The following NRF1 variants were observed in gnomAD, a reference collection of about 807,000 sequenced individuals.
NRF1 encodes nuclear respiratory factor 1, also known as alpha palindromic-binding protein.
Under a neutral mutation model 58.5 loss-of-function variants are expected in NRF1, and 5 were observed. That is an observed-to-expected ratio of 0.09 (90% CI 0.04 to 0.18). The LOEUF is 0.18. NRF1 is among the 10% of genes least tolerant of loss of function. The pLI, the probability that NRF1 is intolerant of heterozygous loss-of-function variation, is 1.00. For synonymous variants in NRF1, 224 were observed against 246.7 expected (o/e 0.91, Z 0.86); for missense variants, 288 against 657.7 (o/e 0.44, Z 6.15).
At chr7:129,690,590 C>G (rs750103330) in intron 5 of NRF1, 44 bp downstream of exon 5, 2 of 1,607,520 alleles carry the variant, frequency 1.2e-6, no homozygotes, top group Non-Finnish European at 1.7e-6. Context: ...ACAAGTGGCA[C>G]AGGTGTGGGC....
At chr7:129,750,084 A>C (rs1344612005) in intron 10 of NRF1, among the ~76,000 whole-genome samples, 1 of 152,082 alleles carries the variant, frequency 6.6e-6, no homozygotes, top group Non-Finnish European at 1.5e-5. Flanking sequence ...AGGGCTCAGA[A>C]AGGGGCTGTA....
At chr7:129,673,138 A>G (rs565194247) in intron 3 of NRF1, among the ~76,000 whole-genome samples, 33 of 152,330 alleles carry the variant, frequency 2.2e-4, no homozygotes, top group African/African-American at 6.5e-4. Flanking sequence ...AAAGATGCCA[A>G]CTGACTATTA....
intron 5 of NRF1, among the ~76,000 whole-genome samples, chr7:129,694,677 CT>C (rs1378238078): frequency 6.6e-6 from 1 of 152,050 alleles, no homozygotes; most frequent in Non-Finnish European, 1.5e-5. Context: ...CAATAGCTCT[CT>C]TTTATAATTG....
intron 10 of NRF1, among the ~76,000 whole-genome samples, chr7:129,728,591 C>T (rs1172086604): frequency 2.0e-5 from 3 of 151,742 alleles, no homozygotes; most frequent in African/African-American, 7.3e-5. Flanking sequence ...GTACCTGGCA[C>T]TTTGTTTATG....
chr7:129,649,611 T>C (rs1488841794), intron 1 of NRF1, among the ~76,000 whole-genome samples: 1 of 152,210 alleles, frequency 6.6e-6, no homozygotes. Flanking sequence ...CAGGGTGCTC[T>C]GGGCCAAGAC....
At chr7:129,619,476 GTGTGTGTGTGTGTGTATATATATATATA>G (rs1270835923) in intron 1 of NRF1, among the ~76,000 whole-genome samples, 16 of 28,864 alleles carry the variant, frequency 5.5e-4, no homozygotes, top group East Asian at 2.5e-3. Flanking sequence ...GTGTGTGTGT[GTGTGTGTGTGTGTGTATATATATATATA>G]TATATATATG....
intron 9 of NRF1, among the ~76,000 whole-genome samples, chr7:129,721,585 C>A (rs1243201447): frequency 2.0e-5 from 3 of 151,744 alleles, no homozygotes; most frequent in South Asian, 2.1e-4. Flanking sequence ...GGGTTCACAC[C>A]ATTCTCCTGC....
intron 8 of NRF1, among the ~76,000 whole-genome samples, chr7:129,713,199 C>T (rs1313940025): frequency 1.3e-5 from 2 of 150,454 alleles, no homozygotes; most frequent in East Asian, 2.0e-4. Context: ...CAGGTTCAAG[C>T]GATTCTTCTG....
chr7:129,744,348 C>T, intron 10 of NRF1: 1 of 728,744 alleles, frequency 1.4e-6, no homozygotes, highest in Non-Finnish European at 2.3e-6. Context: ...CAGTCCCCCT[C>T]ACTCGGTCAC....
At position 129,671,445 on chromosome 7, in the gene NRF1, CGCT is replaced by C. The variant is rs776830653; in HGVS notation, c.251_253del (p.Ala84del). ...TTATTTCAGGTCCTGTGGGAATGGC[CGCT>C]GCTGCTGCTGTGGCAACAGGAAAGA... On this transcript the variant is annotated inframe_deletion, in exon 3 of 11. Transcript: ENST00000393232. 5 of 1,612,260 alleles carry C rather than the reference CGCT, an allele frequency of 3.1e-6. No individual in the cohort carries two copies. Among genetic ancestry groups the C allele is most frequent in the Admixed American group, 1.7e-5 (1 of 59,992 alleles).
chr7:129,734,897 C>G (rs1803670217), intron 10 of NRF1: 1 of 197,970 alleles, frequency 5.1e-6, no homozygotes, highest in South Asian at 1.7e-4. Flanking sequence ...TGCTGCCCTT[C>G]AGTTTAGGCC....
At chr7:129,736,212 A>G (rs1803706386) in intron 10 of NRF1, among the ~76,000 whole-genome samples, 1 of 151,802 alleles carries the variant, frequency 6.6e-6, no homozygotes, top group Admixed American at 6.6e-5. Flanking sequence ...TGACCTTATT[A>G]AAAACTTTTT....
chr7:129,681,620 T>G (rs1802311532), intron 4 of NRF1, among the ~76,000 whole-genome samples: 1 of 152,144 alleles, frequency 6.6e-6, no homozygotes, highest in Admixed American at 6.5e-5. Context: ...GTTGCCCACC[T>G]TAGAGTGTAG....
chr7:129,725,750 TATC>T (rs1803438912), intron 9 of NRF1, among the ~76,000 whole-genome samples: 1 of 152,224 alleles, frequency 6.6e-6, no homozygotes, highest in Non-Finnish European at 1.5e-5. Context: ...CTGCTTTTAT[TATC>T]AGAAAAAGAT....
intron 4 of NRF1, among the ~76,000 whole-genome samples, chr7:129,684,612 C>T (rs950421336): frequency 2.0e-5 from 3 of 152,080 alleles, no homozygotes; most frequent in Non-Finnish European, 4.4e-5. Flanking sequence ...ATCTTATACC[C>T]TAGTCTTATT....
chr7:129,642,349 T>C (rs1801310336), intron 1 of NRF1, among the ~76,000 whole-genome samples: 1 of 152,220 alleles, frequency 6.6e-6, no homozygotes, highest in Non-Finnish European at 1.5e-5. Flanking sequence ...ATACTAGTTA[T>C]CATTAACAGT....
intron 1 of NRF1, among the ~76,000 whole-genome samples, chr7:129,619,490 GTATATATATATA>G (rs67190499): frequency 1.2e-3 from 56 of 48,614 alleles, no homozygotes; most frequent in Admixed American, 6.3e-3. Flanking sequence ...GTGTGTGTGT[GTATATATATATA>G]TATATATATA....
At chr7:129,743,695 TCTTA>T (rs1231612936) in intron 10 of NRF1, among the ~76,000 whole-genome samples, 3 of 152,222 alleles carry the variant, frequency 2.0e-5, no homozygotes, top group Non-Finnish European at 4.4e-5. Context: ...TATAGTCAAC[TCTTA>T]CTTGTTACCT....
intron 1 of NRF1, 64 bp from the exon 2 acceptor site, chr7:129,657,282 A>C (rs1191029642): frequency 8.5e-7 from 1 of 1,178,690 alleles, no homozygotes; most frequent in Non-Finnish European, 1.3e-6. Context: ...AATATCTCTT[A>C]GTTTAAACAT....
Sources: allele counts gnomAD v4.1 joint callset (sites outside exome capture counted in the v4.1 genomes callset), GRCh38; gene constraint gnomAD v4.1.1; transcripts MANE v1.5; gene names NCBI Gene and HGNC (gene_info 2026-07-23, HGNC 2026-07-21).